Variants in MUC3A observed in about 807,000 individuals in gnomAD.
The protein encoded by MUC3A is mucin 3A, cell surface associated, also known as mucin-3A.
Under a neutral mutation model 109.0 loss-of-function variants are expected in MUC3A, and 109 were observed. That is an observed-to-expected ratio of 1.00 (90% CI 0.86 to 1.17). The LOEUF (loss-of-function observed/expected upper bound fraction) is 1.17, where lower values mean the gene tolerates loss of function less well. Among genes scored for constraint, MUC3A ranks in the 50% most tolerant of loss-of-function variants. MUC3A has a pLI of 0.00. For missense variants in MUC3A, 3,537 were observed against 2,469.4 expected, an observed-to-expected ratio of 1.43 and a Z score of -9.16; for synonymous variants, 1,398 against 981.4, an observed-to-expected ratio of 1.42 and a Z score of -7.93.
Position 100,959,332 on chromosome 7 carries a change from C to T in MUC3A, c.7553C>T (p.Thr2518Ile), listed in dbSNP as rs78826835. Residue 2518 changes from threonine to isoleucine, a missense_variant, in exon 2 of 12, where the codon ACC (threonine) becomes ATC (isoleucine). By Grantham distance (89) the Thr-to-Ile change is moderately conservative (BLOSUM62 -1). Coordinates refer to ENST00000379458, the MANE Select transcript of MUC3A (RefSeq NM_005960.2). ...CCCTCTATACCCACTGATATCAGTA[C>T]CTTACCAACTCGAACACACATCATT... ...DFPSIPTDIS[T>I]LPTRTHIISS... 2 of 1,527,348 alleles carry T rather than the reference C, an allele frequency of 1.3e-6. No homozygotes were observed. Among genetic ancestry groups the T allele is most frequent in the Admixed American group, 1.9e-5 (1 of 53,820 alleles). The allele number at this position is 1,527,348 out of a possible 1,614,324, so 94.6% of individuals were successfully genotyped here.
intron 5 of MUC3A, chr7:100,964,065 AAG>A (rs1180750856): frequency 2.0e-4 from 106 of 533,216 alleles, no homozygotes; most frequent in Middle Eastern, 9.9e-4. Flanking sequence ...CAGCATTAGA[AAG>A]AGAGAGAGAG....
In MUC3A at chr7:100,958,534, G is replaced by A. The variant is rs1348271854; in HGVS notation, c.6755G>A (p.Ser2252Asn). ...ACCACCACTGAGACTACATCCCACA[G>A]TACTCCCAGCTTCACTTCTTCGATC... The part of the protein sequence containing the change: ...SITTTETTSH[S>N]TPSFTSSITT... Residue 2252 changes from serine (S) to asparagine (N), a missense_variant, in exon 2 of 12, where the codon AGT becomes AAT. Ser to Asn is a conservative substitution (Grantham distance 46). Transcript: ENST00000379458. 26 of 1,350,728 alleles carry A rather than the reference G, an allele frequency of 1.9e-5. No homozygotes were observed. Among genetic ancestry groups the A allele is most frequent in the Admixed American group, 1.9e-4 (11 of 59,408 alleles). The allele number at this position is 1,350,728 out of a possible 1,614,324, so 83.7% of individuals were successfully genotyped here.
At chr7:100,967,074 C>G in intron 11 of MUC3A, 47 bp from the exon 12 acceptor site, 1 of 1,598,522 alleles carries the variant, frequency 6.3e-7, no homozygotes, top group Non-Finnish European at 8.5e-7. Flanking sequence ...CCCTGTCAGC[C>G]CAAACCAGTG....
chr7:100,957,150 C>A lies in MUC3A; in HGVS notation c.5371C>A (p.Pro1791Thr). Residue 1791 changes from proline (P) to threonine (T), a missense_variant, in exon 2 of 12, where the codon CCA becomes ACA. Physicochemically the swap from Pro to Thr is conservative, Grantham distance 38. Coordinates refer to ENST00000379458, the MANE Select transcript of MUC3A (RefSeq NM_005960.2). ...AGGGCCCACAGCCACTAATACGTTA[C>A]CATCATTTACCAGTAGCGTTTCATC... ...PLGPTATNTL[P>T]SFTSSVSSST... 1 of 454,550 alleles carries A rather than the reference C, an allele frequency of 2.2e-6. No individual in the cohort carries two copies. Among genetic ancestry groups the A allele is most frequent in the Non-Finnish European group, 3.8e-6 (1 of 260,140 alleles). The allele number at this position is 454,550 out of a possible 1,614,324, so 28.2% of individuals were successfully genotyped here.
intron 8 of MUC3A, 84 bp from the exon 9 acceptor site, chr7:100,966,302 C>G: frequency 1.7e-6 from 2 of 1,157,176 alleles, no homozygotes; most frequent in Non-Finnish European, 1.0e-6. Flanking sequence ...GCCCCGCCCC[C>G]TCACCCGCCC....
intron 3 of MUC3A, among the ~76,000 whole-genome samples, chr7:100,962,774 CTTCTTTCTTTCTCT>C (rs1229118266): frequency 3.3e-4 from 22 of 67,422 alleles, no homozygotes; most frequent in African/African-American, 1.2e-3. Context: ...TCTTTCTTTC[CTTCTTTCTTTCTCT>C]TTCTTTCTTT....
chr7:100,959,790 A>G lies in MUC3A; in HGVS notation c.8011A>G (p.Asn2671Asp). Residue 2671 changes from asparagine (N) to aspartate (D), a missense_variant, in exon 2 of 12, where the codon AAT becomes GAT. Coordinates refer to ENST00000379458, the MANE Select transcript of MUC3A (RefSeq NM_005960.2). Reference protein sequence around the residue: ...ESFTRGSTSTNAILTSFSTII... With the variant: ...ESFTRGSTSTDAILTSFSTII... ...TTTCACTAGGGGAAGTACGTCTACA[A>G]ATGCAATCTTGACTTCTTTTAGTAC... 2 of 1,595,702 alleles carry G rather than the reference A, an allele frequency of 1.3e-6. No individual in the cohort carries two copies. Among genetic ancestry groups the G allele is most frequent in the Non-Finnish European group, 1.7e-6 (2 of 1,178,338 alleles).
intron 3 of MUC3A, 88 bp from the exon 4 acceptor site, chr7:100,963,060 CAGG>C: frequency 7.0e-7 from 1 of 1,419,628 alleles, no homozygotes; most frequent in Non-Finnish European, 9.6e-7. Context: ...AGGGGAGCAG[CAGG>C]AGGAGCCTGT....
In MUC3A at chr7:100,958,603, C is replaced by G. The variant is rs879137216; in HGVS notation, c.6824C>G (p.Ser2275Cys). ...TCACATGATACTCCCAGCTTCACTT[C>G]TTCAATCACCACCAGTGAGACCCCC... The part of the protein sequence containing the change: ...TTSHDTPSFT[S>C]SITTSETPSH... The change falls in exon 2 of 12, where the codon TCT (serine) becomes TGT (cysteine). Residue 2275 changes from serine to cysteine, a missense_variant. By Grantham distance (112) the Ser-to-Cys change is moderately radical (BLOSUM62 -1). Coordinates refer to ENST00000379458, the MANE Select transcript of MUC3A (RefSeq NM_005960.2). 27 of 1,465,232 alleles carry G rather than the reference C, an allele frequency of 1.8e-5. No homozygotes were observed. The highest frequency in any genetic ancestry group is 2.8e-6 in the Non-Finnish European group (3 of 1,061,528). 90.8% of individuals were successfully genotyped at this position (1,465,232 alleles called of 1,614,324 possible).
Position 100,959,732 on chromosome 7 carries a change from A to T in MUC3A, c.7953A>T (p.Ser2651=), listed in dbSNP as rs778137764. Residue 2651 remains serine, a synonymous_variant, in exon 2 of 12, where the codon TCA becomes TCT. Transcript: ENST00000379458. ...TTPSTPSLQT[S]LTSTSEFTTE... is the part of the protein sequence containing the mutation. ...CTTCTACTCCCTCATTGCAAACTTC[A>T]CTCACATCTACAAGTGAGTTCACTA... is the stretch of plus-strand genomic sequence containing the variant. The T allele has an allele frequency of 1.3e-6, 2 of 1,598,532 alleles. No individual in the cohort carries two copies. The highest frequency in any genetic ancestry group is 2.7e-5 in the African/African-American group (2 of 75,082).
At position 100,956,163 on chromosome 7, in the gene MUC3A, A is replaced by G. The variant is rs1372877315; in HGVS notation, c.4384A>G (p.Thr1462Ala). ...TITRSTLTSETAYPSSPTSTV... is the reference protein window; with the variant it reads ...TITRSTLTSEAAYPSSPTSTV... ...CACCAGGTCTACACTTACATCTGAG[A>G]CCGCCTACCCTAGTTCTCCCACAAG... The change falls in exon 2 of 12, where the codon ACC (threonine) becomes GCC (alanine). Residue 1462 changes from threonine (T) to alanine (A), a missense_variant. Physicochemically the swap from Thr to Ala is moderately conservative, Grantham distance 58. Transcript: ENST00000379458. The G allele has an allele frequency of 1.1e-5, 5 of 442,434 alleles. No homozygotes were observed. In the East Asian group the frequency reaches 1.7e-4, roughly 15 times the overall value. The allele number at this position is 442,434 out of a possible 1,614,324, so 27.4% of individuals were successfully genotyped here. A position where few individuals can be genotyped will look rare whatever the true frequency, so the allele number is the denominator to read the frequency against.
chr7:100,960,090 G>C lies in MUC3A; in HGVS notation c.8311G>C (p.Gly2771Arg). ...ISLPSTTPCPGTITITIVPAS... is the reference protein window; with the variant it reads ...ISLPSTTPCPRTITITIVPAS... ...CCTTCCCTCCACCACACCCTGTCCA[G>C]GAACTATAACAATTACCATAGTCCC... The change falls in exon 2 of 12, where the codon GGA becomes CGA. Residue 2771 changes from glycine (G) to arginine (R), a missense_variant. By Grantham distance (125) the Gly-to-Arg change is moderately radical (BLOSUM62 -2). Transcript: ENST00000379458. The C allele has an allele frequency of 6.6e-7, 1 of 1,521,860 alleles. No individual in the cohort carries two copies. The highest frequency in any genetic ancestry group is 1.8e-4 in the Middle Eastern group (1 of 5,668). The allele number at this position is 1,521,860 out of a possible 1,614,324, so 94.3% of individuals were successfully genotyped here. A position where few individuals can be genotyped will look rare whatever the true frequency, so the allele number is the denominator to read the frequency against.
intron 7 of MUC3A, 174 bp downstream of exon 7, chr7:100,965,521 G>T (rs1457458463): frequency 7.1e-7 from 1 of 1,415,804 alleles, no homozygotes; most frequent in South Asian, 1.4e-5. Flanking sequence ...GACAGCAGGG[G>T]CCACGAGGAG....
In MUC3A at chr7:100,966,708, C is replaced by G. The variant is rs1554461575; in HGVS notation, c.9842C>G (p.Thr3281Ser). The change falls in exon 10 of 12, where the codon ACT becomes AGT. Residue 3281 changes from threonine to serine, a missense_variant. Thr to Ser is a moderately conservative substitution (Grantham distance 58). Transcript: ENST00000379458. ...FETWDEEVVG[T>S]FSNWGFEDDG... Reference sequence around the variant, plus strand: ...ACCTGGGATGAGGAAGTCGTGGGCACTTTTTCAAACTGGGGTTTCGAGGAC... The same window carrying G: ...ACCTGGGATGAGGAAGTCGTGGGCAGTTTTTCAAACTGGGGTTTCGAGGAC... 1 of 1,598,548 alleles carries G rather than the reference C, an allele frequency of 6.3e-7. No homozygotes were observed. The highest frequency in any genetic ancestry group is 8.5e-7 in the Non-Finnish European group (1 of 1,179,830).
intron 8 of MUC3A, 108 bp from the exon 9 acceptor site, chr7:100,966,278 T>G: frequency 1.2e-6 from 1 of 855,696 alleles, no homozygotes; most frequent in South Asian, 5.9e-5. Context: ...AACCCCCCGC[T>G]GCCCTAGGCT....
At chr7:100,966,338 A>G in intron 8 of MUC3A, 48 bp from the exon 9 acceptor site, 1 of 1,255,334 alleles carries the variant, frequency 8.0e-7, no homozygotes, top group Non-Finnish European at 1.0e-6. Flanking sequence ...GCACGGGTGG[A>G]CCCCGAGCCC....
At position 100,959,299 on chromosome 7, in the gene MUC3A, C is replaced by T. The variant is rs762159684; in HGVS notation, c.7520C>T (p.Thr2507Ile). 3.9e-5 allele frequency: 61 copies of T among 1,584,054 alleles called. No individual in the cohort carries two copies. The highest frequency in any genetic ancestry group is 4.9e-5 in the Non-Finnish European group (57 of 1,172,072). ...ACCAGCACTTCATTGACTACAACCA[C>T]AGACTTTCCCTCTATACCCACTGAT... ...VGTSTSLTTT[T>I]DFPSIPTDIS... The change falls in exon 2 of 12, where the codon ACA becomes ATA. Residue 2507 changes from threonine to isoleucine, a missense_variant. Thr to Ile is a moderately conservative substitution (Grantham distance 89, BLOSUM62 -1). Coordinates refer to ENST00000379458, the MANE Select transcript of MUC3A (RefSeq NM_005960.2).
Position 100,967,273 on chromosome 7 carries a change from G to C in MUC3A, c.*111G>C. The C allele has an allele frequency of 6.6e-7, 1 of 1,512,640 alleles. No homozygotes were observed. Among genetic ancestry groups the C allele is most frequent in the Non-Finnish European group, 8.9e-7 (1 of 1,120,740 alleles). The allele number at this position is 1,512,640 out of a possible 1,614,324, so 93.7% of individuals were successfully genotyped here. ...GACGCGGGCAGCCCAGGCTCCTGCTGTTCTTGGGCAAGATGAGACTGTTCC... is the reference window on the plus strand; with the variant it reads ...GACGCGGGCAGCCCAGGCTCCTGCTCTTCTTGGGCAAGATGAGACTGTTCC... On this transcript the variant is annotated 3_prime_UTR_variant, in exon 12 of 12. Coordinates refer to ENST00000379458, the MANE Select transcript of MUC3A (RefSeq NM_005960.2).
In MUC3A at chr7:100,967,299, C is replaced by T. The variant is rs1470910052; in HGVS notation, c.*137C>T. 1.5e-6 allele frequency: 2 copies of T among 1,372,150 alleles called. No homozygotes were observed. Among genetic ancestry groups the T allele is most frequent in the Non-Finnish European group, 2.0e-6 (2 of 1,008,900 alleles). The allele number at this position is 1,372,150 out of a possible 1,614,324, so 85.0% of individuals were successfully genotyped here. A position where few individuals can be genotyped will look rare whatever the true frequency, so the allele number is the denominator to read the frequency against. Reference sequence around the variant, plus strand: ...TTCTTGGGCAAGATGAGACTGTTCCCCCAAATCCCATCCTTCTCCTTCCAA... The same window carrying T: ...TTCTTGGGCAAGATGAGACTGTTCCTCCAAATCCCATCCTTCTCCTTCCAA... On this transcript the variant is annotated 3_prime_UTR_variant, in exon 12 of 12. Transcript: ENST00000379458.
Sources: allele counts gnomAD v4.1 joint callset (sites outside exome capture counted in the v4.1 genomes callset), GRCh38; gene constraint gnomAD v4.1.1; transcripts MANE v1.5; gene names NCBI Gene and HGNC (gene_info 2026-07-23, HGNC 2026-07-21).